TOP6BL: variants seen among roughly 807,000 people sequenced by gnomAD.
TOP6BL encodes the protein type 2 DNA topoisomerase 6 subunit B-like.
chr11:66,790,383 T>G, the TOP6BL span, among the ~76,000 whole-genome samples: 4 of 152,120 alleles, frequency 2.6e-5, no homozygotes, highest in Non-Finnish European at 4.4e-5. Context: ...ATGATAGAAG[T>G]GAGCCCTGAA....
chr11:66,759,218 C>G, the TOP6BL span: 2 of 625,748 alleles, frequency 3.2e-6, no homozygotes, highest in Non-Finnish European at 2.6e-6. Context: ...ATACAGGATG[C>G]CCACTTAAAT....
At chr11:66,786,201 G>A in the TOP6BL span, among the ~76,000 whole-genome samples, 1 of 152,184 alleles carries the variant, frequency 6.6e-6, no homozygotes, top group South Asian at 2.1e-4. Flanking sequence ...AGGAGGCTGA[G>A]GCAGGAGACC....
chr11:66,795,620 G>T, the TOP6BL span, among the ~76,000 whole-genome samples: 1 of 151,832 alleles, frequency 6.6e-6, no homozygotes, highest in East Asian at 1.9e-4. Flanking sequence ...CAAATATATG[G>T]ATCCTTAAAA....
the TOP6BL span, chr11:66,796,215 G>T: frequency 2.4e-3 from 2,905 of 1,224,506 alleles, 69 homozygotes; most frequent in African/African-American, 0.037. Context: ...AGGAAATACC[G>T]TTTTAATTCA....
At chr11:66,819,365 A>G in the TOP6BL span, among the ~76,000 whole-genome samples, 1 of 152,238 alleles carries the variant, frequency 6.6e-6, no homozygotes, top group Non-Finnish European at 1.5e-5. Context: ...CTTTCAAAAG[A>G]GATCTGATTT....
the TOP6BL span, among the ~76,000 whole-genome samples, chr11:66,800,246 A>T: frequency 6.6e-6 from 1 of 152,178 alleles, no homozygotes; most frequent in Non-Finnish European, 1.5e-5. Context: ...AAGGAAGGAA[A>T]TAGGGAGTTG....
the TOP6BL span, chr11:66,796,385 A>T: frequency 1.3e-6 from 2 of 1,557,244 alleles, no homozygotes; most frequent in South Asian, 2.3e-5. Flanking sequence ...CCTTTGTACA[A>T]TAATGATTCT....
At chr11:66,759,151 A>T in the TOP6BL span, 60 of 1,202,238 alleles carry the variant, frequency 5.0e-5, no homozygotes, top group Non-Finnish European at 6.7e-5. Flanking sequence ...AATTAATTTG[A>T]TATTTTCTGA....
At chr11:66,764,852 C>T in the TOP6BL span, among the ~76,000 whole-genome samples, 1 of 151,718 alleles carries the variant, frequency 6.6e-6, no homozygotes, top group Admixed American at 6.6e-5. Context: ...GCCTGGGGTC[C>T]CAGCTACTAG....
the TOP6BL span, among the ~76,000 whole-genome samples, chr11:66,795,593 C>T: frequency 3.3e-5 from 5 of 152,090 alleles, no homozygotes; most frequent in African/African-American, 7.2e-5. Flanking sequence ...TAAGCTAACA[C>T]GCCCAGCCTA....
the TOP6BL span, among the ~76,000 whole-genome samples, chr11:66,839,739 C>T: frequency 9.8e-4 from 149 of 152,230 alleles, no homozygotes; most frequent in Admixed American, 6.5e-4. Flanking sequence ...ATGATACATA[C>T]AATTCAGTAT....
At chr11:66,830,935 C>G in the TOP6BL span, among the ~76,000 whole-genome samples, 1 of 152,072 alleles carries the variant, frequency 6.6e-6, no homozygotes, top group African/African-American at 2.4e-5. Context: ...GAACACAACT[C>G]GGTTTTTTTA....
chr11:66,745,006 C>A, the TOP6BL span: 1 of 1,202,100 alleles, frequency 8.3e-7, no homozygotes. Context: ...GCAGAGGGGT[C>A]GGGCGTCGCC....
At chr11:66,836,075 A>G in the TOP6BL span, among the ~76,000 whole-genome samples, 2 of 152,160 alleles carry the variant, frequency 1.3e-5, no homozygotes, top group African/African-American at 4.8e-5. Context: ...TCTTACTGCC[A>G]TTCTAGTGCA....
chr11:66,793,354 A>C, the TOP6BL span, among the ~76,000 whole-genome samples: 1 of 151,812 alleles, frequency 6.6e-6, no homozygotes, highest in African/African-American at 2.4e-5. Flanking sequence ...CAGCATCCGA[A>C]AGTGCTGGGA....
chr11:66,810,182 A>G, the TOP6BL span, among the ~76,000 whole-genome samples: 4 of 152,162 alleles, frequency 2.6e-5, no homozygotes, highest in Admixed American at 2.6e-4. Context: ...AAAAGGCAAA[A>G]TGAAGAATTT....
the TOP6BL span, among the ~76,000 whole-genome samples, chr11:66,801,673 TAAA>T: frequency 6.6e-6 from 1 of 152,122 alleles, no homozygotes; most frequent in East Asian, 1.9e-4. Context: ...CTGTCTCTGC[TAAA>T]AATACAAAAA....
chr11:66,789,752 G>A, the TOP6BL span, among the ~76,000 whole-genome samples: 1 of 152,192 alleles, frequency 6.6e-6, no homozygotes, highest in Non-Finnish European at 1.5e-5. Context: ...TGGGTAGGAT[G>A]AGGATTATCA....
At chr11:66,830,959 T>G in the TOP6BL span, among the ~76,000 whole-genome samples, 2 of 152,108 alleles carry the variant, frequency 1.3e-5, no homozygotes, top group African/African-American at 2.4e-5. Context: ...GGACAAAATA[T>G]TTGAACACAC....
Sources: allele counts gnomAD v4.1 joint callset (sites outside exome capture counted in the v4.1 genomes callset), GRCh38; gene constraint gnomAD v4.1.1; transcripts MANE v1.5; gene names NCBI Gene and HGNC (gene_info 2026-07-23, HGNC 2026-07-21).